MAPK10: variants seen among roughly 807,000 people sequenced by gnomAD.
MAPK10 encodes the protein JNK3 alpha protein kinase.
A neutral mutation model predicts 59.3 loss-of-function variants in MAPK10; 25 were observed. The ratio of observed to expected loss-of-function variants is 0.42; its 90% confidence interval spans 0.31 to 0.59. The LOEUF is 0.59. Ranked by LOEUF, MAPK10 falls within the 20% of genes least tolerant of loss-of-function variation. The probability of loss-of-function intolerance (pLI) is 0.15; values close to 1 mark genes in which losing one functional copy is unlikely to be tolerated. For missense variants in MAPK10, 351 were observed against 568.9 expected, an observed-to-expected ratio of 0.62 and a Z score of 3.90; for synonymous variants, 190 against 200.5, an observed-to-expected ratio of 0.95 and a Z score of 0.44.
intron 1 of MAPK10, among the ~76,000 whole-genome samples, chr4:86,530,695 T>TGGAG (rs1757789341): frequency 6.6e-6 from 1 of 152,130 alleles, no homozygotes; most frequent in Non-Finnish European, 1.5e-5. Flanking sequence ...AGGATACTAA[T>TGGAG]CCCATTCCTG....
chr4:86,542,733 T>C (rs1156652687), intron 1 of MAPK10, among the ~76,000 whole-genome samples: 1 of 152,206 alleles, frequency 6.6e-6, no homozygotes, highest in Non-Finnish European at 1.5e-5. Context: ...CCCAGTATGC[T>C]AGCCAAAGTC....
intron 2 of MAPK10, among the ~76,000 whole-genome samples, chr4:86,208,897 A>G (rs1464239523): frequency 6.6e-6 from 1 of 152,156 alleles, no homozygotes; most frequent in Non-Finnish European, 1.5e-5. Context: ...ACAAATCAAT[A>G]GTATCTGATA....
intron 9 of MAPK10, among the ~76,000 whole-genome samples, chr4:86,073,371 G>A (rs1470973631): frequency 6.6e-6 from 1 of 151,546 alleles, no homozygotes; most frequent in Non-Finnish European, 1.5e-5. Context: ...TCTTTTGAAG[G>A]GTTTTTTGTG....
intron 11 of MAPK10, among the ~76,000 whole-genome samples, chr4:86,055,601 T>C (rs1257881037): frequency 1.3e-5 from 2 of 150,000 alleles, no homozygotes; most frequent in Non-Finnish European, 3.0e-5. Flanking sequence ...AGAAATAAAC[T>C]AGCAGTAAAA....
At chr4:86,175,089 C>G (rs1028805656) in intron 3 of MAPK10, among the ~76,000 whole-genome samples, 1 of 151,936 alleles carries the variant, frequency 6.6e-6, no homozygotes, top group African/African-American at 2.4e-5. Context: ...ATTACATAAT[C>G]AAAGACAGGA....
At chr4:86,088,608 C>T (rs1001826541) in intron 9 of MAPK10, among the ~76,000 whole-genome samples, 5 of 152,028 alleles carry the variant, frequency 3.3e-5, no homozygotes, top group Non-Finnish European at 7.4e-5. Context: ...TTAATTATTG[C>T]ACTTGTTAAT....
chr4:86,297,224 G>T (rs555898806), intron 2 of MAPK10, among the ~76,000 whole-genome samples: 29 of 152,260 alleles, frequency 1.9e-4, no homozygotes, highest in African/African-American at 6.3e-4. Flanking sequence ...TTTTAAATCT[G>T]GTTGGTAATT....
At chr4:86,085,697 A>C (rs931939009) in intron 9 of MAPK10, among the ~76,000 whole-genome samples, 1 of 152,140 alleles carries the variant, frequency 6.6e-6, no homozygotes, top group Non-Finnish European at 1.5e-5. Flanking sequence ...TTCCTCAAAA[A>C]ACTAAAAATA....
intron 1 of MAPK10, among the ~76,000 whole-genome samples, chr4:86,485,531 GA>G (rs1184484441): frequency 6.6e-6 from 1 of 152,130 alleles, no homozygotes; most frequent in African/African-American, 2.4e-5. Flanking sequence ...GTGAAAGAAT[GA>G]ATATGCAAAT....
At chr4:86,519,574 C>T (rs1756960584) in intron 1 of MAPK10, among the ~76,000 whole-genome samples, 2 of 152,164 alleles carry the variant, frequency 1.3e-5, no homozygotes, top group African/African-American at 4.8e-5. Flanking sequence ...CTTATCCATT[C>T]TGCCATTCAG....
At chr4:86,135,670 G>A (rs1376027699) in intron 4 of MAPK10, among the ~76,000 whole-genome samples, 2 of 152,162 alleles carry the variant, frequency 1.3e-5, no homozygotes, top group African/African-American at 4.8e-5. Context: ...ACCAGCAACG[G>A]AACAAAGCTG....
At chr4:86,365,561 A>G (rs1193167119) in intron 1 of MAPK10, among the ~76,000 whole-genome samples, 1 of 150,344 alleles carries the variant, frequency 6.7e-6, no homozygotes, top group East Asian at 2.0e-4. Flanking sequence ...CATCTTATAC[A>G]TGGTAGGTGA....
chr4:86,506,826 T>C (rs1755773971), intron 1 of MAPK10, among the ~76,000 whole-genome samples: 1 of 151,998 alleles, frequency 6.6e-6, no homozygotes, highest in Non-Finnish European at 1.5e-5. Context: ...AAATTCCTCT[T>C]CTCCAGCAGA....
At position 86,282,182 on chromosome 4, in the gene MAPK10, G is replaced by T. The variant is rs184755889; in HGVS notation, c.-7+72348C>A. Among the ~76,000 whole-genome samples the T allele has an allele frequency of 2.3e-3, 354 of 152,160 alleles. 1 individual carries two copies. The highest frequency in any genetic ancestry group is 4.1e-3 in the Non-Finnish European group (279 of 67,990). Reference sequence around the variant, plus strand: ...TAAGCTGTTGCTCAGGCTTATATAGGCTAAGATTTCATAAGAAACTACAAA... The same window carrying T: ...TAAGCTGTTGCTCAGGCTTATATAGTCTAAGATTTCATAAGAAACTACAAA... On this transcript the variant is annotated intron_variant, in intron 2 of 13. Coordinates refer to ENST00000641462, the MANE Select transcript of MAPK10 (RefSeq NM_138982.4).
chr4:86,582,701 T>C (rs1762386662), intron 1 of MAPK10, among the ~76,000 whole-genome samples: 1 of 152,138 alleles, frequency 6.6e-6, no homozygotes, highest in African/African-American at 2.4e-5. Context: ...AAACAGGAAT[T>C]GGGAACTAAA....
chr4:86,036,375 A>T (rs2040299614), intron 11 of MAPK10, among the ~76,000 whole-genome samples: 1 of 151,914 alleles, frequency 6.6e-6, no homozygotes. Flanking sequence ...CAATTGTGAC[A>T]CTAGAAAAAC....
At position 86,128,772 on chromosome 4, in the gene MAPK10, A is replaced by G. The variant is rs535754850; in HGVS notation, c.237-21420T>C. 4.6e-5 allele frequency among the ~76,000 whole-genome samples: 7 copies of G among 152,258 alleles called. No homozygotes were observed. The South Asian group carries it at 1.2e-3, about 27-fold the overall frequency. The stretch of plus-strand genomic sequence containing the variant: ...TTATAAATATATAGGAGCACAACAC[A>G]TATTGGAAAAATTAAGATATAACTG... On this transcript the variant is annotated intron_variant, in intron 4 of 13. Transcript: ENST00000641462.
intron 1 of MAPK10, among the ~76,000 whole-genome samples, chr4:86,546,589 G>C (rs534894858): frequency 6.6e-6 from 1 of 151,108 alleles, no homozygotes; most frequent in East Asian, 2.0e-4. Context: ...AGAATTTCAA[G>C]GTGGCAAAAA....
At chr4:86,578,335 G>A (rs1762041473) in intron 1 of MAPK10, among the ~76,000 whole-genome samples, 1 of 152,160 alleles carries the variant, frequency 6.6e-6, no homozygotes, top group Non-Finnish European at 1.5e-5. Flanking sequence ...TATCCAGAAT[G>A]AAAAGGAATG....
Sources: gnomAD v4.1 joint callset for allele counts (sites outside exome capture counted in the v4.1 genomes callset) on GRCh38, gnomAD v4.1.1 for gene constraint, MANE v1.5 for transcripts, NCBI Gene and HGNC (gene_info 2026-07-23, HGNC 2026-07-21) for gene names.